The following C3orf49 variants were observed in gnomAD, a reference collection of about 807,000 sequenced individuals.
C3orf49 encodes the protein putative uncharacterized protein C3orf49.
In C3orf49, 27 loss-of-function variants were observed where a neutral mutation model predicts 13.3. The observed-to-expected ratio is 2.02, with a 90% CI of 1.49 to 2.79. The LOEUF is 2.79. Ranked by LOEUF, C3orf49 falls within the 30% of genes most tolerant of loss-of-function variation. C3orf49 has a pLI of 0.00. For missense variants in C3orf49, 242 were observed against 134.2 expected (o/e 1.80, Z -3.97); for synonymous variants, 87 against 47.6 (o/e 1.83, Z -3.40).
intron 5 of C3orf49, among the ~76,000 whole-genome samples, chr3:63,843,412 C>T (rs1169978421): frequency 6.6e-6 from 1 of 152,136 alleles, no homozygotes; most frequent in African/African-American, 2.4e-5. Context: ...GCCACTGTGC[C>T]AGGCCTCAAT....
At chr3:63,838,223 C>A in intron 5 of C3orf49, 1 of 895,954 alleles carries the variant, frequency 1.1e-6, no homozygotes. Context: ...TTAGAATACA[C>A]ATTTTTTATA....
chr3:63,791,857 T>A, the C3orf49 span, among the ~76,000 whole-genome samples: 1 of 152,216 alleles, frequency 6.6e-6, no homozygotes, highest in Non-Finnish European at 1.5e-5. Flanking sequence ...ACATCAGGAC[T>A]TTTTTGTTGG....
In C3orf49 at chr3:63,847,787, T is replaced by C. The variant is rs574129724; in HGVS notation, c.*31-577T>C. ...CTGACATAACTTTTAGTTTATACCA[T>C]TGGACAAAATTTCCAAAAGTTTAAT... On this transcript the variant is annotated intron_variant, in intron 6 of 6. Coordinates refer to ENST00000295896, the MANE Select transcript of C3orf49 (RefSeq NM_001355236.2). 2.6e-5 allele frequency among the ~76,000 whole-genome samples: 4 copies of C among 152,286 alleles called. No homozygotes were observed. In the South Asian group the frequency reaches 8.3e-4, roughly 32 times the overall value.
At chr3:63,794,094 TC>T in the C3orf49 span, among the ~76,000 whole-genome samples, 3 of 151,716 alleles carry the variant, frequency 2.0e-5, no homozygotes, top group African/African-American at 7.3e-5. Flanking sequence ...GGTTGAGACT[TC>T]AGTGAACTAC....
chr3:63,790,255 G>C, the C3orf49 span, among the ~76,000 whole-genome samples: 11 of 152,270 alleles, frequency 7.2e-5, no homozygotes, highest in East Asian at 2.1e-3. Flanking sequence ...GGTGTTTACT[G>C]TTTCCCTGGT....
At chr3:63,843,370 G>A (rs933917398) in intron 5 of C3orf49, among the ~76,000 whole-genome samples, 3 of 150,226 alleles carry the variant, frequency 2.0e-5, no homozygotes, top group Non-Finnish European at 3.0e-5. Context: ...CGCCTACCTC[G>A]GCCTCTCAAA....
the C3orf49 span, among the ~76,000 whole-genome samples, chr3:63,792,407 C>T: frequency 6.6e-6 from 1 of 152,228 alleles, no homozygotes; most frequent in African/African-American, 2.4e-5. Flanking sequence ...TAATTGCCTC[C>T]ATTCTCAAGT....
upstream of C3orf49, among the ~76,000 whole-genome samples, chr3:63,815,098 C>T (rs886318816): frequency 7.2e-5 from 11 of 152,266 alleles, no homozygotes; most frequent in Admixed American, 5.9e-4. Flanking sequence ...ATCACGAGGA[C>T]AGTAACAGGG....
the C3orf49 span, among the ~76,000 whole-genome samples, chr3:63,797,505 T>G: frequency 1.3e-5 from 2 of 152,084 alleles, no homozygotes; most frequent in African/African-American, 4.8e-5. Context: ...CTTACAAAAG[T>G]GTAGGACTAC....
the C3orf49 span, among the ~76,000 whole-genome samples, chr3:63,799,070 A>T: frequency 6.6e-6 from 1 of 152,134 alleles, no homozygotes; most frequent in Non-Finnish European, 1.5e-5. Context: ...ACAACAAGGA[A>T]GCAATTGTGT....
At chr3:63,796,028 G>T in the C3orf49 span, among the ~76,000 whole-genome samples, 1 of 152,118 alleles carries the variant, frequency 6.6e-6, no homozygotes, top group South Asian at 2.1e-4. Flanking sequence ...ATACAAAAAT[G>T]GATAATGTGA....
chr3:63,815,020 G>A (rs1701308539), upstream of C3orf49, among the ~76,000 whole-genome samples: 1 of 152,128 alleles, frequency 6.6e-6, no homozygotes, highest in Non-Finnish European at 1.5e-5. Context: ...GTGAAAGCAG[G>A]GGCAAGAGAG....
At chr3:63,834,080 A>G (rs968072247) in intron 5 of C3orf49, 6 of 1,573,872 alleles carry the variant, frequency 3.8e-6, no homozygotes, top group Admixed American at 3.4e-5. Flanking sequence ...TAAACACATT[A>G]TGGTCATGTA....
chr3:63,827,860 C>A, intron 3 of C3orf49, 135 bp downstream of exon 3: 1 of 567,908 alleles, frequency 1.8e-6, no homozygotes, highest in Non-Finnish European at 3.1e-6. Context: ...TGTCTCCTCT[C>A]CAAGAATTTA....
At chr3:63,808,235 T>C in the C3orf49 span, among the ~76,000 whole-genome samples, 1 of 152,260 alleles carries the variant, frequency 6.6e-6, no homozygotes, top group African/African-American at 2.4e-5. Context: ...TATTGGTCAC[T>C]ATGATTTGTC....
At chr3:63,800,171 T>G in the C3orf49 span, among the ~76,000 whole-genome samples, 3 of 152,170 alleles carry the variant, frequency 2.0e-5, no homozygotes, top group South Asian at 6.2e-4. Flanking sequence ...TGGCTTTATA[T>G]TTGAATTCAA....
chr3:63,807,231 G>A, the C3orf49 span, among the ~76,000 whole-genome samples: 8 of 152,142 alleles, frequency 5.3e-5, no homozygotes, highest in Non-Finnish European at 1.0e-4. Flanking sequence ...GATTACAGGC[G>A]TGAGCCACTG....
At chr3:63,847,435 A>G (rs901933183) in intron 6 of C3orf49, among the ~76,000 whole-genome samples, 33 of 152,172 alleles carry the variant, frequency 2.2e-4, no homozygotes, top group Non-Finnish European at 2.9e-4. Flanking sequence ...CCAAAAAGCT[A>G]TATCAGAAGA....
chr3:63,824,836 CAAAAAA>C (rs34464702), intron 2 of C3orf49, among the ~76,000 whole-genome samples: 7 of 107,898 alleles, frequency 6.5e-5, no homozygotes, highest in African/African-American at 1.8e-4. Flanking sequence ...GACCCTGTCT[CAAAAAA>C]AAAAAAAAAA....
Sources: allele counts gnomAD v4.1 joint callset (sites outside exome capture counted in the v4.1 genomes callset), GRCh38; gene constraint gnomAD v4.1.1; transcripts MANE v1.5; gene names NCBI Gene and HGNC (gene_info 2026-07-23, HGNC 2026-07-21).